Variants in L3MBTL4 observed in about 807,000 individuals in gnomAD.
The protein encoded by L3MBTL4 is L3MBTL histone methyl-lysine binding protein 4.
A neutral mutation model predicts 84.5 loss-of-function variants in L3MBTL4; 70 were observed. That is an observed-to-expected ratio of 0.83 (90% CI 0.68 to 1.01). The LOEUF is 1.01. Among genes scored for constraint, L3MBTL4 ranks in the 50% least tolerant of loss-of-function variants. The probability of loss-of-function intolerance (pLI) is 0.00; values close to 1 mark genes in which losing one functional copy is unlikely to be tolerated. For missense variants in L3MBTL4, 715 were observed against 754.8 expected (o/e 0.95, Z 0.62); for synonymous variants, 274 against 259.8 (o/e 1.05, Z -0.52).
At chr18:6,410,513 A>C (rs1246608762) in intron 1 of L3MBTL4, among the ~76,000 whole-genome samples, 3 of 152,160 alleles carry the variant, frequency 2.0e-5, no homozygotes, top group Admixed American at 1.3e-4. Flanking sequence ...TCAAAAAAAA[A>C]ATAAAGGACT....
chr18:6,093,876 T>C (rs2058543042), intron 14 of L3MBTL4, among the ~76,000 whole-genome samples: 1 of 152,274 alleles, frequency 6.6e-6, no homozygotes, highest in Non-Finnish European at 1.5e-5. Flanking sequence ...TCAATATGCA[T>C]TCCCTGGTTT....
intron 16 of L3MBTL4, among the ~76,000 whole-genome samples, chr18:6,054,629 T>C (rs779851648): frequency 2.0e-5 from 3 of 152,184 alleles, no homozygotes; most frequent in African/African-American, 7.2e-5. Context: ...CTCCCAGCCC[T>C]GTGCTGCCCT....
At chr18:6,043,625 C>T (rs1227894133) in intron 16 of L3MBTL4, among the ~76,000 whole-genome samples, 2 of 152,176 alleles carry the variant, frequency 1.3e-5, no homozygotes, top group South Asian at 2.1e-4. Flanking sequence ...TGATGTCTTT[C>T]AATACGGTCA....
intron 16 of L3MBTL4, among the ~76,000 whole-genome samples, chr18:6,065,398 T>G (rs2057368093): frequency 6.6e-6 from 1 of 152,076 alleles, no homozygotes; most frequent in Admixed American, 6.6e-5. Flanking sequence ...TCTTTATCTT[T>G]TGGAACTGTT....
At chr18:6,393,533 C>A (rs28460151) in intron 1 of L3MBTL4, among the ~76,000 whole-genome samples, 22,666 of 152,186 alleles carry the variant, frequency 0.15, 1,739 homozygotes, top group Non-Finnish European at 0.15. Flanking sequence ...CACAGGCTAA[C>A]TCACATTGTT....
At chr18:5,962,455 G>A (rs1472585807) in intron 17 of L3MBTL4, among the ~76,000 whole-genome samples, 2 of 152,140 alleles carry the variant, frequency 1.3e-5, no homozygotes, top group African/African-American at 2.4e-5. Flanking sequence ...GGGAGTGGCG[G>A]GAAGAGGGAG....
At chr18:6,376,598 T>G (rs1210280163) in intron 1 of L3MBTL4, among the ~76,000 whole-genome samples, 1 of 151,588 alleles carries the variant, frequency 6.6e-6, no homozygotes, top group Non-Finnish European at 1.5e-5. Context: ...ATTAGCTGAG[T>G]GTGGTGGTGT....
chr18:6,123,375 T>C (rs537091027), intron 14 of L3MBTL4, among the ~76,000 whole-genome samples: 10 of 152,302 alleles, frequency 6.6e-5, no homozygotes, highest in Admixed American at 2.0e-4. Context: ...AATCCCCACG[T>C]ATCATGGGAG....
chr18:6,171,713 A>C (rs879195568), intron 13 of L3MBTL4, 115 bp downstream of exon 13: 1 of 570,788 alleles, frequency 1.8e-6, no homozygotes, highest in Non-Finnish European at 3.1e-6. Context: ...GTAGTGATTA[A>C]TTCGCCTATG....
At chr18:6,390,093 A>C (rs1289268048) in intron 1 of L3MBTL4, among the ~76,000 whole-genome samples, 1 of 152,196 alleles carries the variant, frequency 6.6e-6, no homozygotes, top group Non-Finnish European at 1.5e-5. Flanking sequence ...AAGTCATATC[A>C]AGTATCTTTT....
At chr18:6,281,385 GT>G (rs2049314453) in intron 4 of L3MBTL4, among the ~76,000 whole-genome samples, 1 of 152,114 alleles carries the variant, frequency 6.6e-6, no homozygotes, top group South Asian at 2.1e-4. Flanking sequence ...CTATCCTACT[GT>G]TTTTGTACAT....
chr18:6,170,156 A>G (rs2145179768), intron 13 of L3MBTL4, among the ~76,000 whole-genome samples: 1 of 152,300 alleles, frequency 6.6e-6, no homozygotes, highest in Non-Finnish European at 1.5e-5. Context: ...CTTTAAACTG[A>G]GATTCAAAGC....
At chr18:6,280,303 T>TGC (rs1288333348) in intron 4 of L3MBTL4, among the ~76,000 whole-genome samples, 1 of 152,220 alleles carries the variant, frequency 6.6e-6, no homozygotes, top group Non-Finnish European at 1.5e-5. Flanking sequence ...AAGCAGCCAG[T>TGC]GAAGAGTTCT....
At chr18:6,150,430 C>T (rs1306262382) in intron 13 of L3MBTL4, among the ~76,000 whole-genome samples, 1 of 152,008 alleles carries the variant, frequency 6.6e-6, no homozygotes, top group South Asian at 2.1e-4. Context: ...AGAATACACA[C>T]ACACACACAC....
intron 4 of L3MBTL4, among the ~76,000 whole-genome samples, chr18:6,268,584 T>G (rs1322300381): frequency 6.6e-6 from 1 of 152,158 alleles, no homozygotes; most frequent in East Asian, 1.9e-4. Flanking sequence ...TTTTCTGCTG[T>G]TTTCTCAGAC....
intron 1 of L3MBTL4, among the ~76,000 whole-genome samples, chr18:6,388,614 T>C (rs536857354): frequency 6.6e-6 from 1 of 152,100 alleles, no homozygotes; most frequent in African/African-American, 2.4e-5. Flanking sequence ...GGAGAAGAAA[T>C]TGAAAATGCA....
chr18:6,307,696 T>C (rs1048857016), intron 3 of L3MBTL4, among the ~76,000 whole-genome samples: 9 of 152,090 alleles, frequency 5.9e-5, no homozygotes, highest in African/African-American at 2.2e-4. Context: ...TCAGCAATAG[T>C]CTAAGATCCT....
At chr18:6,275,023 C>T (rs78932412) in intron 4 of L3MBTL4, among the ~76,000 whole-genome samples, 2,293 of 152,284 alleles carry the variant, frequency 0.015, 67 homozygotes, top group African/African-American at 0.053. Context: ...GACGCTGAAT[C>T]TTTGAAATCC....
At chr18:6,311,477 G>A in intron 3 of L3MBTL4, 77 bp downstream of exon 3, 1 of 1,235,972 alleles carries the variant, frequency 8.1e-7, no homozygotes, top group Admixed American at 1.7e-5. Flanking sequence ...GTGTGGTTAT[G>A]TGAACTCTAC....
Sources: gnomAD v4.1 joint callset for allele counts (sites outside exome capture counted in the v4.1 genomes callset) on GRCh38, gnomAD v4.1.1 for gene constraint, MANE v1.5 for transcripts, NCBI Gene and HGNC (gene_info 2026-07-23, HGNC 2026-07-21) for gene names.